The following ARID1B variants were observed in gnomAD, a reference collection of about 807,000 sequenced individuals.
The protein encoded by ARID1B is AT-rich interactive domain-containing protein 1B.
In ARID1B, 30 loss-of-function variants were observed where a neutral mutation model predicts 212.3. The ratio of observed to expected loss-of-function variants is 0.14; its 90% confidence interval spans 0.11 to 0.19. The LOEUF (loss-of-function observed/expected upper bound fraction) is 0.19. Among genes scored for constraint, ARID1B ranks in the 10% least tolerant of loss-of-function variants. ARID1B has a pLI of 1.00. For missense variants in ARID1B, 2,891 were observed against 3,204.0 expected (o/e 0.90, Z 2.36); for synonymous variants, 1,402 against 1,301.7 (o/e 1.08, Z -1.66).
At chr6:156,825,339 AAC>A (rs1782667888) in intron 1 of ARID1B, among the ~76,000 whole-genome samples, 2 of 152,202 alleles carry the variant, frequency 1.3e-5, no homozygotes, top group African/African-American at 4.8e-5. Context: ...CTGTATGAGT[AAC>A]TGTTTTTCTA....
chr6:156,856,727 C>G (rs1784974406), intron 2 of ARID1B, among the ~76,000 whole-genome samples: 1 of 149,366 alleles, frequency 6.7e-6, no homozygotes, highest in African/African-American at 2.5e-5. Flanking sequence ...CACACACACA[C>G]ACACACACAC....
At chr6:156,817,021 G>C (rs1782010197) in intron 1 of ARID1B, among the ~76,000 whole-genome samples, 1 of 150,844 alleles carries the variant, frequency 6.6e-6, no homozygotes, top group East Asian at 2.0e-4. Flanking sequence ...GAGAAGGGAA[G>C]ATTCTAGAAT....
intron 1 of ARID1B, among the ~76,000 whole-genome samples, chr6:156,785,015 C>T (rs1440775370): frequency 6.6e-6 from 1 of 152,196 alleles, no homozygotes; most frequent in Admixed American, 6.5e-5. Context: ...CCTCCTCGGC[C>T]TCCCAAAGTG....
chr6:156,847,063 C>A (rs900031015), intron 2 of ARID1B, among the ~76,000 whole-genome samples: 4 of 152,094 alleles, frequency 2.6e-5, no homozygotes, highest in African/African-American at 9.7e-5. Context: ...TCTTTACTGT[C>A]ATTTTAATGG....
At chr6:156,968,583 T>C (rs1379196543) in intron 4 of ARID1B, among the ~76,000 whole-genome samples, 1 of 152,246 alleles carries the variant, frequency 6.6e-6, no homozygotes, top group African/African-American at 2.4e-5. Context: ...TCTTTGGTTC[T>C]GTACATGCTT....
chr6:157,180,148 A>G (rs959041571), intron 11 of ARID1B, among the ~76,000 whole-genome samples: 2 of 152,206 alleles, frequency 1.3e-5, no homozygotes, highest in East Asian at 3.8e-4. Context: ...GCCTAGGGCT[A>G]AAAGTGTTAC....
chr6:156,813,907 C>T (rs1275559032), intron 1 of ARID1B, among the ~76,000 whole-genome samples: 1 of 152,142 alleles, frequency 6.6e-6, no homozygotes, highest in Non-Finnish European at 1.5e-5. Context: ...GGCCTGCCCT[C>T]CAGACCCCAT....
At chr6:156,819,738 C>T (rs1452834944) in intron 1 of ARID1B, among the ~76,000 whole-genome samples, 3 of 152,206 alleles carry the variant, frequency 2.0e-5, no homozygotes, top group Non-Finnish European at 4.4e-5. Flanking sequence ...AGTAGTCACA[C>T]AGATGAGCCC....
At chr6:157,021,837 A>G (rs1490073216) in intron 4 of ARID1B, among the ~76,000 whole-genome samples, 1 of 151,960 alleles carries the variant, frequency 6.6e-6, no homozygotes, top group Non-Finnish European at 1.5e-5. Flanking sequence ...CGGCGCGGCC[A>G]GACTCACGCA....
At chr6:156,880,482 A>C (rs1786958912) in intron 2 of ARID1B, among the ~76,000 whole-genome samples, 1 of 152,216 alleles carries the variant, frequency 6.6e-6, no homozygotes, top group African/African-American at 2.4e-5. Context: ...TCACGCCTGT[A>C]ATCCCAGCAC....
intron 3 of ARID1B, among the ~76,000 whole-genome samples, chr6:156,923,572 T>C (rs1325121853): frequency 1.3e-5 from 2 of 152,030 alleles, no homozygotes; most frequent in East Asian, 3.9e-4. Context: ...AAATCAAGAG[T>C]TTATTGTATG....
chr6:156,863,979 C>T (rs372078335), intron 2 of ARID1B, among the ~76,000 whole-genome samples: 3 of 152,122 alleles, frequency 2.0e-5, no homozygotes, highest in Non-Finnish European at 4.4e-5. Context: ...CTTGCAATAC[C>T]ATCATCTCAA....
chr6:156,940,920 T>G (rs149060167), intron 4 of ARID1B: 1 of 152,326 alleles, frequency 6.6e-6, no homozygotes, highest in Non-Finnish European at 1.5e-5. Context: ...AAAGTTAAAA[T>G]CTACCAGGTA....
chr6:156,794,567 ATTCTTT>A (rs1302977473), intron 1 of ARID1B, among the ~76,000 whole-genome samples: 13 of 129,340 alleles, frequency 1.0e-4, no homozygotes, highest in African/African-American at 3.6e-4. Flanking sequence ...AGCCTGGCAC[ATTCTTT>A]TTTTTTTTTT....
At chr6:156,970,845 C>T (rs1031477462) in intron 4 of ARID1B, among the ~76,000 whole-genome samples, 1 of 152,210 alleles carries the variant, frequency 6.6e-6, no homozygotes, top group African/African-American at 2.4e-5. Flanking sequence ...ACTCAGTTCT[C>T]TCTCAGCCTA....
At chr6:156,892,535 A>G (rs1788023952) in intron 2 of ARID1B, among the ~76,000 whole-genome samples, 1 of 152,220 alleles carries the variant, frequency 6.6e-6, no homozygotes, top group South Asian at 2.1e-4. Flanking sequence ...TATGCCACCA[A>G]TATTTTAAAG....
In ARID1B at chr6:156,779,182, C is replaced by T. The variant is rs1171229370; in HGVS notation, c.1502C>T (p.Thr501Ile). The change falls in exon 1 of 20, where the codon ACC becomes ATC. Residue 501 changes from threonine (T) to isoleucine (I), a missense_variant. This residue lies in a region of ARID1B where 1,643 missense variants were observed against 1,544.0 expected (regional missense o/e 1.06). Coordinates refer to ENST00000636930, the MANE Select transcript of ARID1B (RefSeq NM_001374828.1). ...CAGCACCCGTCGGGGGCCACCCCGACCCTCAATCAGCTGCTCACCTCGCCC... is the reference window on the plus strand; with the variant it reads ...CAGCACCCGTCGGGGGCCACCCCGATCCTCAATCAGCTGCTCACCTCGCCC... ...QNQHPSGATP[T>I]LNQLLTSPSP... 5 of 1,344,706 alleles carry T rather than the reference C, an allele frequency of 3.7e-6. No homozygotes were observed. Among genetic ancestry groups the T allele is most frequent in the Admixed American group, 2.5e-5 (1 of 40,600 alleles). 83.3% of individuals were successfully genotyped at this position (1,344,706 alleles called of 1,614,324 possible).
intron 4 of ARID1B, among the ~76,000 whole-genome samples, chr6:156,963,637 T>A (rs1794549244): frequency 6.6e-6 from 1 of 152,222 alleles, no homozygotes; most frequent in South Asian, 2.1e-4. Context: ...TTTAAAAAAT[T>A]CTAAGTAGTA....
At chr6:157,145,567 A>G (rs1238978930) in intron 7 of ARID1B, among the ~76,000 whole-genome samples, 1 of 152,246 alleles carries the variant, frequency 6.6e-6, no homozygotes, top group African/African-American at 2.4e-5. Context: ...AATGTGGAGA[A>G]GTCTGCAGAG....
Sources: gnomAD v4.1 joint callset for allele counts (sites outside exome capture counted in the v4.1 genomes callset) on GRCh38, gnomAD v4.1.1 for gene constraint, gnomAD v4.1.1 regional missense constraint, MANE v1.5 for transcripts, NCBI Gene and HGNC (gene_info 2026-07-23, HGNC 2026-07-21) for gene names.